Variants in IGSF23 observed in about 807,000 individuals in gnomAD.
IGSF23 encodes the protein immunoglobulin superfamily, member 23.
In IGSF23, 14 loss-of-function variants were observed where a neutral mutation model predicts 17.8. The observed-to-expected ratio is 0.79, with a 90% CI of 0.52 to 1.23. The LOEUF is 1.23. Ranked by LOEUF, IGSF23 falls within the 50% of genes most tolerant of loss-of-function variation. The pLI, the probability that IGSF23 is intolerant of heterozygous loss-of-function variation, is 0.00. For synonymous variants in IGSF23, 85 were observed against 92.5 expected (o/e 0.92, Z 0.46); for missense variants, 214 against 241.7 (o/e 0.89, Z 0.76).
At chr19:44,630,913 C>T (rs1241816003) in intron 3 of IGSF23, among the ~76,000 whole-genome samples, 1 of 152,134 alleles carries the variant, frequency 6.6e-6, no homozygotes, top group Admixed American at 6.5e-5. Flanking sequence ...CTGTACATGA[C>T]CTTGTGGAAT....
chr19:44,624,051 C>A, intron 2 of IGSF23, 79 bp downstream of exon 2: 1 of 1,269,422 alleles, frequency 7.9e-7, no homozygotes, highest in Non-Finnish European at 1.1e-6. Flanking sequence ...CTCTATGATT[C>A]CATTAAGCCA....
intron 2 of IGSF23, among the ~76,000 whole-genome samples, chr19:44,626,158 G>A (rs546879163): frequency 4.7e-4 from 71 of 152,304 alleles, no homozygotes; most frequent in Admixed American, 7.2e-4. Context: ...GAATGCATGA[G>A]TCAAGGTTCA....
intron 1 of IGSF23, among the ~76,000 whole-genome samples, chr19:44,614,889 G>C (rs1208490215): frequency 6.6e-6 from 1 of 152,228 alleles, no homozygotes; most frequent in Non-Finnish European, 1.5e-5. Flanking sequence ...GTGGCAGACT[G>C]AAGATTTGAA....
rs846857 is a variant in IGSF23 at position 44,623,697 on chromosome 19, G to A, written c.126-10G>A. ...ACTCTTGTGGCCTTGTTCCCTGTTT[G>A]CACAGACAGCCTCCAACTAATGCCA... On this transcript the variant is annotated splice_polypyrimidine_tract_variant and intron_variant, in intron 1 of 4. Coordinates refer to ENST00000402988, the MANE Select transcript of IGSF23 (RefSeq NM_001205280.2). The A allele has an allele frequency of 0.16, 252,428 of 1,550,714 alleles. 22,042 individuals are homozygous for A. Among genetic ancestry groups the A allele is most frequent in the East Asian group, 0.35 (14,130 of 40,910 alleles).
chr19:44,618,670 T>C (rs951925394), intron 1 of IGSF23, among the ~76,000 whole-genome samples: 1 of 152,108 alleles, frequency 6.6e-6, no homozygotes, highest in Admixed American at 6.6e-5. Flanking sequence ...GCTGGAGTGA[T>C]GGGGATGAGT....
At chr19:44,622,155 G>A (rs1972536696) in intron 1 of IGSF23, among the ~76,000 whole-genome samples, 1 of 151,560 alleles carries the variant, frequency 6.6e-6, no homozygotes, top group African/African-American at 2.4e-5. Flanking sequence ...AGGGGGCAGA[G>A]GTTGCAGTGA....
intron 3 of IGSF23, among the ~76,000 whole-genome samples, chr19:44,634,660 C>A (rs544865658): frequency 6.6e-6 from 1 of 152,202 alleles, no homozygotes; most frequent in East Asian, 1.9e-4. Context: ...CTATTTATGG[C>A]CAGTTTTGGG....
intron 3 of IGSF23, among the ~76,000 whole-genome samples, chr19:44,629,184 G>T (rs1386782090): frequency 6.6e-6 from 1 of 152,164 alleles, no homozygotes; most frequent in Non-Finnish European, 1.5e-5. Flanking sequence ...GCCATGGAGG[G>T]TCTAGTGCAA....
chr19:44,635,514 G>C, intron 4 of IGSF23, 49 bp downstream of exon 4: 1 of 1,347,142 alleles, frequency 7.4e-7, no homozygotes, highest in South Asian at 1.3e-5. Context: ...GGAACAGAAA[G>C]AAGTTCTTGG....
intron 1 of IGSF23, among the ~76,000 whole-genome samples, chr19:44,616,098 G>A (rs1454231480): frequency 6.6e-6 from 1 of 152,068 alleles, no homozygotes; most frequent in Admixed American, 6.6e-5. Flanking sequence ...CTTGATAACA[G>A]CAGGTACCTC....
rs1972680014 is a variant in IGSF23 at position 44,627,547 on chromosome 19, G to GA, written c.519_520insA (p.Cys174MetfsTer11). 1.9e-6 allele frequency: 3 copies of GA among 1,550,512 alleles called. No individual in the cohort carries two copies. The Admixed American group carries it at 5.9e-5, about 30-fold the overall frequency. On this transcript the variant is annotated frameshift_variant, in exon 3 of 5. Transcript: ENST00000402988. LOFTEE classifies it high-confidence loss of function. ...GAGCCGGGGCACTGATTGCAGGCAT[G>GA]TGTTTCATCATCATCCAGAGCCTAA...
chr19:44,617,295 T>C (rs906294919), intron 1 of IGSF23, among the ~76,000 whole-genome samples: 1 of 152,042 alleles, frequency 6.6e-6, no homozygotes, highest in African/African-American at 2.4e-5. Flanking sequence ...GGGATTCTTT[T>C]TGGGGTGACG....
At position 44,627,205 on chromosome 19, in the gene IGSF23, G is replaced by C. The variant is rs184945473; in HGVS notation, c.392-215G>C. 7.7e-3 allele frequency among the ~76,000 whole-genome samples: 1,175 copies of C among 152,320 alleles called. 18 individuals are homozygous for C. The highest frequency in any genetic ancestry group is 0.026 in the African/African-American group (1,070 of 41,564). ...AGGGGAGGAACAGGGTCAGGTGTGA[G>C]CTTTAGAAAGATCCTCCTGGCTTCC... On this transcript the variant is annotated intron_variant, in intron 2 of 4. Transcript: ENST00000402988.
At chr19:44,633,375 C>T (rs192566829) in intron 3 of IGSF23, among the ~76,000 whole-genome samples, 56 of 152,304 alleles carry the variant, frequency 3.7e-4, no homozygotes, top group African/African-American at 1.2e-3. Context: ...TTCTTTCAAA[C>T]CTTGCAAATT....
chr19:44,626,510 G>C (rs368103964), intron 2 of IGSF23, among the ~76,000 whole-genome samples: 1 of 152,274 alleles, frequency 6.6e-6, no homozygotes, highest in African/African-American at 2.4e-5. Context: ...TCACCAGAGT[G>C]GGCAGGGCTG....
intron 1 of IGSF23, among the ~76,000 whole-genome samples, chr19:44,614,148 G>A (rs1225524596): frequency 3.9e-5 from 6 of 152,090 alleles, no homozygotes; most frequent in Admixed American, 2.0e-4. Context: ...AGGCCACTCC[G>A]CCACAAGAGA....
intron 1 of IGSF23, among the ~76,000 whole-genome samples, chr19:44,614,784 C>G (rs978730772): frequency 6.6e-6 from 1 of 152,078 alleles, no homozygotes; most frequent in Non-Finnish European, 1.5e-5. Flanking sequence ...CTTATCACAA[C>G]TCTTTGAGAT....
At chr19:44,635,949 G>T (rs932197960) in intron 4 of IGSF23, among the ~76,000 whole-genome samples, 2 of 152,122 alleles carry the variant, frequency 1.3e-5, no homozygotes, top group Admixed American at 6.6e-5. Context: ...TCTCTGCCAG[G>T]CTCGCTCCTG....
chr19:44,635,898 T>C (rs559687643), intron 4 of IGSF23, among the ~76,000 whole-genome samples: 18 of 152,366 alleles, frequency 1.2e-4, no homozygotes, highest in South Asian at 1.0e-3. Context: ...TGCAATTTCA[T>C]GGGTCATCCA....
Sources: gnomAD v4.1 joint callset for allele counts (sites outside exome capture counted in the v4.1 genomes callset) on GRCh38, gnomAD v4.1.1 for gene constraint, MANE v1.5 for transcripts, NCBI Gene and HGNC (gene_info 2026-07-23, HGNC 2026-07-21) for gene names.